LUZP2: variants seen among roughly 807,000 people sequenced by gnomAD.
LUZP2 encodes leucine zipper protein 2.
Under a neutral mutation model 51.6 loss-of-function variants are expected in LUZP2, and 52 were observed. That is an observed-to-expected ratio of 1.01 (90% CI 0.81 to 1.27). The LOEUF (loss-of-function observed/expected upper bound fraction) is 1.27, where lower values mean the gene tolerates loss of function less well. Ranked by LOEUF, LUZP2 falls within the 50% of genes most tolerant of loss-of-function variation. LUZP2 has a pLI of 0.00. For synonymous variants in LUZP2, 154 were observed against 137.3 expected (o/e 1.12, Z -0.85); for missense variants, 436 against 395.4 (o/e 1.10, Z -0.87).
intron 2 of LUZP2, 142 bp from the exon 3 acceptor site, chr11:24,731,976 G>T (rs1459950876): frequency 3.6e-6 from 2 of 548,002 alleles, no homozygotes; most frequent in Non-Finnish European, 3.2e-6. Flanking sequence ...CATCCTTGGA[G>T]CCGTGAGGAC....
intron 4 of LUZP2, among the ~76,000 whole-genome samples, chr11:24,745,325 T>C (rs997947059): frequency 1.3e-5 from 2 of 152,144 alleles, no homozygotes; most frequent in African/African-American, 4.8e-5. Context: ...CCCACTATTA[T>C]TGTGTTGCTG....
chr11:24,684,204 C>T (rs1470102623), intron 1 of LUZP2, among the ~76,000 whole-genome samples: 4 of 152,020 alleles, frequency 2.6e-5, no homozygotes, highest in African/African-American at 9.7e-5. Flanking sequence ...TCAGTCTGAG[C>T]TTTATGAATA....
In LUZP2 at chr11:24,731,427, A is replaced by G. The variant is rs539266573; in HGVS notation, c.181-691A>G. 1.6e-4 allele frequency among the ~76,000 whole-genome samples: 25 copies of G among 151,842 alleles called. No individual in the cohort carries two copies. The South Asian group carries it at 2.7e-3, about 16-fold the overall frequency. Reference sequence around the variant, plus strand: ...AATTAGTTTATTGAATATAAATAAGAAAGTTATTAGAGAAGGCTTAATAGG... The same window carrying G: ...AATTAGTTTATTGAATATAAATAAGGAAGTTATTAGAGAAGGCTTAATAGG... On this transcript the variant is annotated intron_variant, in intron 2 of 11. Transcript: ENST00000336930.
intron 10 of LUZP2, among the ~76,000 whole-genome samples, chr11:25,051,720 A>T (rs1234105374): frequency 6.6e-6 from 1 of 152,174 alleles, no homozygotes; most frequent in East Asian, 1.9e-4. Flanking sequence ...TTTGTATTCA[A>T]TCGAGTGATA....
At chr11:24,984,549 T>TATAA (rs60530495) in intron 9 of LUZP2, among the ~76,000 whole-genome samples, 4,689 of 71,280 alleles carry the variant, frequency 0.066, 353 homozygotes, top group African/African-American at 0.16. Flanking sequence ...TATATATATA[T>TATAA]AATTGTGAAT....
At chr11:24,728,394 A>G (rs1281870382) in intron 1 of LUZP2, among the ~76,000 whole-genome samples, 1 of 151,936 alleles carries the variant, frequency 6.6e-6, no homozygotes, top group East Asian at 1.9e-4. Context: ...AATCAATCCA[A>G]GTTTGCCTGC....
intron 1 of LUZP2, among the ~76,000 whole-genome samples, chr11:24,720,762 G>T (rs778164780): frequency 1.3e-5 from 2 of 152,156 alleles, no homozygotes; most frequent in Non-Finnish European, 2.9e-5. Context: ...GCAGTGGCGC[G>T]ATCTCGGCTT....
intron 9 of LUZP2, among the ~76,000 whole-genome samples, chr11:25,038,399 T>A (rs918929154): frequency 1.3e-5 from 2 of 152,284 alleles, no homozygotes; most frequent in Middle Eastern, 6.8e-3. Context: ...GTAAAACAAC[T>A]ATGAAATCAA....
Position 24,983,134 on chromosome 11 carries a change from G to A in LUZP2, c.606G>A (p.Gln202=), listed in dbSNP as rs1856086249. 4 of 1,611,020 alleles carry A rather than the reference G, an allele frequency of 2.5e-6. No homozygotes were observed. Among genetic ancestry groups the A allele is most frequent in the Non-Finnish European group, 2.5e-6 (3 of 1,178,322 alleles). The change falls in exon 9 of 12, where the codon CAG becomes CAA. Residue 202 remains glutamine, a synonymous_variant. Coordinates refer to ENST00000336930, the MANE Select transcript of LUZP2 (RefSeq NM_001009909.4). ...LEKAALDRES[Q]MKAMKETVQL... ...TGCCTCTTTTTTTGTAGGAGTCACA[G>A]ATGAAAGCAATGAAAGAGACTGTGC... is the stretch of plus-strand genomic sequence containing the variant.
At chr11:24,920,441 G>T (rs556068430) in intron 7 of LUZP2, among the ~76,000 whole-genome samples, 2 of 151,944 alleles carry the variant, frequency 1.3e-5, no homozygotes, top group East Asian at 3.9e-4. Context: ...TCACTGTTGG[G>T]TATCTACTCC....
chr11:24,602,525 C>CA (rs1277776536), intron 1 of LUZP2, among the ~76,000 whole-genome samples: 1 of 150,902 alleles, frequency 6.6e-6, no homozygotes, highest in Non-Finnish European at 1.5e-5. Flanking sequence ...GCTAAGTGAG[C>CA]ATTTTCCTAT....
intron 4 of LUZP2, among the ~76,000 whole-genome samples, chr11:24,755,882 A>G (rs1206327632): frequency 1.3e-5 from 2 of 152,096 alleles, no homozygotes; most frequent in African/African-American, 2.4e-5. Context: ...GGCTCTTTTT[A>G]TCTGTAAAGA....
intron 5 of LUZP2, among the ~76,000 whole-genome samples, chr11:24,857,087 G>C (rs751645473): frequency 4.6e-5 from 7 of 151,668 alleles, no homozygotes; most frequent in African/African-American, 7.3e-5. Flanking sequence ...ATGTTTATAC[G>C]AATAATTAAA....
At chr11:24,658,135 G>C (rs952641136) in intron 1 of LUZP2, among the ~76,000 whole-genome samples, 2 of 152,090 alleles carry the variant, frequency 1.3e-5, no homozygotes, top group African/African-American at 4.8e-5. Context: ...TAAGCCAAAA[G>C]AACAAAGCTG....
At chr11:24,561,695 A>G (rs1852046001) in intron 1 of LUZP2, among the ~76,000 whole-genome samples, 1 of 152,094 alleles carries the variant, frequency 6.6e-6, no homozygotes, top group Admixed American at 6.6e-5. Flanking sequence ...TAGGAGAGGG[A>G]TAGCATTAGG....
intron 7 of LUZP2, among the ~76,000 whole-genome samples, chr11:24,961,954 A>G (rs1465325630): frequency 2.0e-5 from 3 of 149,138 alleles, no homozygotes; most frequent in African/African-American, 7.5e-5. Flanking sequence ...TGGTGACAAA[A>G]TCTCTCAGCA....
intron 10 of LUZP2, among the ~76,000 whole-genome samples, chr11:25,073,970 G>A (rs185100933): frequency 5.9e-5 from 9 of 152,240 alleles, no homozygotes; most frequent in Admixed American, 2.6e-4. Context: ...GAAGCCCAGC[G>A]AAAAATAACT....
intron 1 of LUZP2, among the ~76,000 whole-genome samples, chr11:24,550,184 A>G (rs1851683089): frequency 6.6e-6 from 1 of 152,110 alleles, no homozygotes; most frequent in African/African-American, 2.4e-5. Flanking sequence ...CTCTTCTGAT[A>G]CTAATTGCTA....
chr11:24,916,740 G>C (rs569702068), intron 7 of LUZP2, among the ~76,000 whole-genome samples: 24 of 152,298 alleles, frequency 1.6e-4, no homozygotes, highest in African/African-American at 5.5e-4. Flanking sequence ...ATCACTGATG[G>C]ACATTTGGGT....
Sources: gnomAD v4.1 joint callset for allele counts (sites outside exome capture counted in the v4.1 genomes callset) on GRCh38, gnomAD v4.1.1 for gene constraint, MANE v1.5 for transcripts, NCBI Gene and HGNC (gene_info 2026-07-23, HGNC 2026-07-21) for gene names.